TMEM131L: variants seen among roughly 807,000 people sequenced by gnomAD.
TMEM131L encodes the protein transmembrane 131 like.
TMEM131L carries 54 observed loss-of-function variants against 192.2 expected under a neutral mutation model. The observed-to-expected ratio is 0.28, with a 90% CI of 0.23 to 0.35. TMEM131L has a LOEUF of 0.35. TMEM131L is among the 10% of genes least tolerant of loss of function. The probability of loss-of-function intolerance (pLI) is 1.00; values close to 1 mark genes in which losing one functional copy is unlikely to be tolerated. For synonymous variants in TMEM131L, 701 were observed against 704.9 expected (o/e 0.99, Z 0.09); for missense variants, 1,888 against 1,972.9 (o/e 0.96, Z 0.82).
rs756455779 is a variant in TMEM131L at position 153,581,523 on chromosome 4, T to C, written c.855T>C (p.Ser285=). 4.4e-6 allele frequency: 7 copies of C among 1,593,622 alleles called. No homozygotes were observed. The East Asian group carries it at 1.1e-4, about 26-fold the overall frequency. ...CACAACATTTGTTAGATCATCTCTC[T>C]ATTGTTTACGTAGCTACAGATGAAT... is the stretch of plus-strand genomic sequence containing the variant. The part of the protein sequence containing the change: ...ENTQHLLDHL[S]IVYVATDESE... Residue 285 remains serine (S), a synonymous_variant, in exon 9 of 35, where the codon TCT becomes TCC. Coordinates refer to ENST00000409959, the MANE Select transcript of TMEM131L (RefSeq NM_001131007.2).
intron 3 of TMEM131L, among the ~76,000 whole-genome samples, chr4:153,505,109 CTT>C (rs34450106): frequency 0.029 from 4,069 of 141,190 alleles, 107 homozygotes; most frequent in South Asian, 0.07. Flanking sequence ...TTCTTTCTTT[CTT>C]TTTTTTTTTT....
At chr4:153,535,414 C>T (rs1202465644) in intron 3 of TMEM131L, among the ~76,000 whole-genome samples, 5 of 151,954 alleles carry the variant, frequency 3.3e-5, no homozygotes, top group South Asian at 2.1e-4. Context: ...ACAGCCTTCA[C>T]GTTGGATCAG....
chr4:153,627,471 G>GTTTCTTCCCCAAGTT lies in TMEM131L; in HGVS notation c.4125-133_4125-132insTTCTTCCCCAAGTTT, dbSNP rs1733928225. On this transcript the variant is annotated intron_variant, in intron 30 of 34. Transcript: ENST00000409959. Reference sequence around the variant, plus strand: ...GTGTAACTTTACATCCTTTATATCTGTATGTTTCTTCCCCAAGAAACTCTT... The same window carrying GTTTCTTCCCCAAGTT: ...GTGTAACTTTACATCCTTTATATCTGTTTCTTCCCCAAGTTTATGTTTCTTCCCCAAGAAACTCTT... 1.1e-5 allele frequency: 7 copies of GTTTCTTCCCCAAGTT among 627,464 alleles called. No homozygotes were observed. The East Asian group carries it at 2.0e-4, about 18-fold the overall frequency. 38.9% of individuals were successfully genotyped at this position (627,464 alleles called of 1,614,324 possible).
chr4:153,596,881 G>T (rs2150897539), intron 20 of TMEM131L, among the ~76,000 whole-genome samples: 1 of 152,244 alleles, frequency 6.6e-6, no homozygotes, highest in South Asian at 2.1e-4. Flanking sequence ...TTTGAAGTGA[G>T]TTACTGCTGA....
intron 3 of TMEM131L, among the ~76,000 whole-genome samples, chr4:153,546,111 G>A (rs1737155018): frequency 6.6e-6 from 1 of 151,934 alleles, no homozygotes; most frequent in South Asian, 2.1e-4. Context: ...GGCTGGTCTC[G>A]AACTCCTAGG....
At chr4:153,574,724 A>G (rs1729820041) in intron 7 of TMEM131L, among the ~76,000 whole-genome samples, 1 of 152,262 alleles carries the variant, frequency 6.6e-6, no homozygotes, top group East Asian at 1.9e-4. Flanking sequence ...AGAAGCTGAG[A>G]TTACAGGCGT....
Position 153,614,549 on chromosome 4 carries a change from A to C in TMEM131L, c.3567+2149A>C, listed in dbSNP as rs567192527. Reference sequence around the variant, plus strand: ...GCGGCGGGGTGGACAGTGGTTAACAAATTGAAAGCAACCTGTGGACTGTGA... The same window carrying C: ...GCGGCGGGGTGGACAGTGGTTAACACATTGAAAGCAACCTGTGGACTGTGA... On this transcript the variant is annotated intron_variant, in intron 26 of 34. Coordinates refer to ENST00000409959, the MANE Select transcript of TMEM131L (RefSeq NM_001131007.2). 2.2e-4 allele frequency among the ~76,000 whole-genome samples: 33 copies of C among 152,286 alleles called. No individual in the cohort carries two copies. The South Asian group carries it at 6.6e-3, about 31-fold the overall frequency.
At chr4:153,522,452 TG>T (rs1417633468) in intron 3 of TMEM131L, among the ~76,000 whole-genome samples, 1 of 152,080 alleles carries the variant, frequency 6.6e-6, no homozygotes, top group African/African-American at 2.4e-5. Context: ...GTGAAGGCAG[TG>T]CTGCGGGCAG....
chr4:153,610,997 G>T (rs559826430), intron 25 of TMEM131L, among the ~76,000 whole-genome samples: 6 of 152,316 alleles, frequency 3.9e-5, no homozygotes, highest in African/African-American at 1.4e-4. Flanking sequence ...AGTTATTGTG[G>T]GGTTGAAGTT....
chr4:153,539,154 C>G (rs1382726840), intron 3 of TMEM131L, among the ~76,000 whole-genome samples: 1 of 152,138 alleles, frequency 6.6e-6, no homozygotes, highest in Non-Finnish European at 1.5e-5. Flanking sequence ...ATGTTTAAGT[C>G]ACATACCTCC....
chr4:153,505,109 CTTT>C (rs34450106), intron 3 of TMEM131L, among the ~76,000 whole-genome samples: 8 of 141,282 alleles, frequency 5.7e-5, no homozygotes, highest in Admixed American at 1.4e-4. Flanking sequence ...TTCTTTCTTT[CTTT>C]TTTTTTTTTT....
Position 153,492,763 on chromosome 4 carries a change from GT to G in TMEM131L, c.239+18883del, listed in dbSNP as rs1177011124. Among the ~76,000 whole-genome samples the G allele has an allele frequency of 1.3e-4, 10 of 75,420 alleles. No homozygotes were observed. In the East Asian group the frequency reaches 4.0e-3, roughly 30 times the overall value. The allele number at this position is 75,420 out of a possible 152,430, so 49.5% of individuals were successfully genotyped here. ...TATGAGCAGAGTTTTAAATTTAGGTGTTTTTTTTAACTTATATATCTTTTCT... is the reference window on the plus strand; with the variant it reads ...TATGAGCAGAGTTTTAAATTTAGGTGTTTTTTTAACTTATATATCTTTTCT... On this transcript the variant is annotated intron_variant, in intron 3 of 34. Coordinates refer to ENST00000409959, the MANE Select transcript of TMEM131L (RefSeq NM_001131007.2).
chr4:153,614,927 A>C (rs1164216012), intron 26 of TMEM131L, among the ~76,000 whole-genome samples: 1 of 152,156 alleles, frequency 6.6e-6, no homozygotes, highest in Admixed American at 6.5e-5. Context: ...TCATTTTTTC[A>C]CATGGCCATT....
At chr4:153,543,238 GTTCTT>G (rs1440154092) in intron 3 of TMEM131L, among the ~76,000 whole-genome samples, 3 of 152,150 alleles carry the variant, frequency 2.0e-5, no homozygotes, top group East Asian at 1.9e-4. Flanking sequence ...TTGTTAAATG[GTTCTT>G]TTCAAGTAGT....
chr4:153,496,916 A>G (rs1733214009), intron 3 of TMEM131L, among the ~76,000 whole-genome samples: 2 of 151,350 alleles, frequency 1.3e-5, no homozygotes, highest in African/African-American at 4.9e-5. Context: ...GCTGGAGTAC[A>G]GTGGCACGAT....
chr4:153,546,136 C>T (rs1032162957), intron 3 of TMEM131L, among the ~76,000 whole-genome samples: 1 of 152,100 alleles, frequency 6.6e-6, no homozygotes. Context: ...AGCAATCCTC[C>T]CACCTTGTCC....
chr4:153,598,912 G>GGTACC (rs1391416800), intron 21 of TMEM131L, among the ~76,000 whole-genome samples, 180 bp downstream of exon 21: 2 of 152,092 alleles, frequency 1.3e-5, no homozygotes, highest in African/African-American at 4.8e-5. Flanking sequence ...TATATAGGCT[G>GGTACC]GTACCCCTGG....
intron 31 of TMEM131L, among the ~76,000 whole-genome samples, chr4:153,629,273 AGAAGT>A (rs1734055069): frequency 6.6e-6 from 1 of 152,140 alleles, no homozygotes; most frequent in African/African-American, 2.4e-5. Context: ...TAGAAGAGAG[AGAAGT>A]GGTTACAGGC....
chr4:153,551,249 C>T (rs1737597790), intron 4 of TMEM131L, among the ~76,000 whole-genome samples: 1 of 152,116 alleles, frequency 6.6e-6, no homozygotes, highest in South Asian at 2.1e-4. Context: ...AGCATCTGGG[C>T]TGGGTTAGGG....
Sources: allele counts gnomAD v4.1 joint callset (sites outside exome capture counted in the v4.1 genomes callset), GRCh38; gene constraint gnomAD v4.1.1; transcripts MANE v1.5; gene names NCBI Gene and HGNC (gene_info 2026-07-23, HGNC 2026-07-21).